The following ELSPBP1 variants were observed in gnomAD, a reference collection of about 807,000 sequenced individuals.
ELSPBP1 encodes the protein epididymal sperm-binding protein 1.
Under a neutral mutation model 33.3 loss-of-function variants are expected in ELSPBP1, and 38 were observed. The ratio of observed to expected loss-of-function variants is 1.14; its 90% confidence interval spans 0.88 to 1.50. ELSPBP1 has a LOEUF of 1.50. Among genes scored for constraint, ELSPBP1 ranks in the 40% most tolerant of loss-of-function variants. The probability of loss-of-function intolerance (pLI) is 0.00; values close to 1 mark genes in which losing one functional copy is unlikely to be tolerated. For synonymous variants in ELSPBP1, 85 were observed against 94.1 expected, an observed-to-expected ratio of 0.90 and a Z score of 0.56; for missense variants, 267 against 263.5, an observed-to-expected ratio of 1.01 and a Z score of -0.09.
chr19:48,017,896 C>CAAAAAAAAAAAAAAA, intron 4 of ELSPBP1, among the ~76,000 whole-genome samples: 1 of 66,124 alleles, frequency 1.5e-5, no homozygotes, highest in Non-Finnish European at 2.7e-5. Context: ...GATCTTGTCT[C>CAAAAAAAAAAAAAAA]AAAAAAAAAA....
chr19:48,018,928 T>C (rs1172283106), intron 4 of ELSPBP1, among the ~76,000 whole-genome samples: 1 of 152,106 alleles, frequency 6.6e-6, no homozygotes, highest in Non-Finnish European at 1.5e-5. Context: ...CCGAGGCAGG[T>C]GAATCACCTG....
At position 48,008,828 on chromosome 19, in the gene ELSPBP1, G is replaced by C. The variant is rs897431772; in HGVS notation, c.70+91G>C. The C allele has an allele frequency of 7.7e-6, 9 of 1,166,598 alleles. 1 individual carries two copies. The highest frequency in any genetic ancestry group is 1.5e-5 in the African/African-American group (1 of 65,222). 72.3% of individuals were successfully genotyped at this position (1,166,598 alleles called of 1,614,324 possible). ...GATTCCTGGAACTAAGTAGGCAGGA[G>C]ATGGCTTAGCAAAAATCTCAGAAGA... On this transcript the variant is annotated intron_variant, in intron 2 of 6. Transcript: ENST00000339841.
Position 48,016,459 on chromosome 19 carries a change from TCTTTCCTTC to T in ELSPBP1, c.355+421_355+429del, listed in dbSNP as rs1293464467. Among the ~76,000 whole-genome samples, 409 of 47,712 alleles carry T rather than the reference TCTTTCCTTC, an allele frequency of 8.6e-3. 8 individuals are homozygous for T. The highest frequency in any genetic ancestry group is 0.025 in the African/African-American group (322 of 12,868). 31.3% of individuals were successfully genotyped at this position (47,712 alleles called of 152,430 possible). A position where few individuals can be genotyped will look rare whatever the true frequency, so the allele number is the denominator to read the frequency against. On this transcript the variant is annotated intron_variant, in intron 4 of 6. Coordinates refer to ENST00000339841, the MANE Select transcript of ELSPBP1 (RefSeq NM_022142.5). Reference sequence around the variant, plus strand: ...CCCTCCCTCCCTTTTCTCTTTCTTTTCTTTCCTTCTTTCTTTCTTTCTTTCTTTCTTTCT... The same window carrying T: ...CCCTCCCTCCCTTTTCTCTTTCTTTTTTTCTTTCTTTCTTTCTTTCTTTCT...
At chr19:48,019,943 C>T (rs1197077286) in intron 5 of ELSPBP1, 66 bp downstream of exon 5, 8 of 1,525,338 alleles carry the variant, frequency 5.2e-6, no homozygotes, top group Non-Finnish European at 7.1e-6. Context: ...CAACAAACAC[C>T]TCCTGAAACC....
At chr19:47,999,367 C>T (rs1394795349) in intron 1 of ELSPBP1, among the ~76,000 whole-genome samples, 1 of 150,376 alleles carries the variant, frequency 6.6e-6, no homozygotes, top group African/African-American at 2.5e-5. Context: ...TGTCACCACC[C>T]CATACTGAAA....
chr19:48,022,097 C>A lies in ELSPBP1; in HGVS notation c.515-73C>A, dbSNP rs73567223. On this transcript the variant is annotated intron_variant, in intron 5 of 6. Transcript: ENST00000339841. ...GCCCCAATTTGAAATCTAGGGTGGG[C>A]CTGAAGCCCACGCCTCTACGACAGT... The A allele has an allele frequency of 8.4e-4, 1,189 of 1,414,878 alleles. 15 individuals are homozygous for A. In the African/African-American group the frequency reaches 0.015, roughly 17 times the overall value. The allele number at this position is 1,414,878 out of a possible 1,614,324, so 87.6% of individuals were successfully genotyped here.
chr19:48,016,834 G>A (rs184678359), intron 4 of ELSPBP1, among the ~76,000 whole-genome samples: 10 of 152,094 alleles, frequency 6.6e-5, no homozygotes, highest in South Asian at 4.2e-4. Context: ...CCTGGTCTCA[G>A]GTGATCCATC....
chr19:48,015,798 T>A, intron 3 of ELSPBP1, 95 bp from the exon 4 acceptor site: 1 of 1,188,510 alleles, frequency 8.4e-7, no homozygotes, highest in Non-Finnish European at 1.2e-6. Context: ...ACCTTATGTC[T>A]GTCCTGTCCT....
chr19:47,999,819 G>A (rs1966949367), intron 1 of ELSPBP1, among the ~76,000 whole-genome samples: 1 of 150,764 alleles, frequency 6.6e-6, no homozygotes, highest in Admixed American at 6.6e-5. Context: ...TATCACATAC[G>A]TGATTTTTTT....
At chr19:48,021,175 C>T (rs2045336734) in intron 5 of ELSPBP1, among the ~76,000 whole-genome samples, 1 of 152,118 alleles carries the variant, frequency 6.6e-6, no homozygotes, top group African/African-American at 2.4e-5. Context: ...AAAATTGATA[C>T]TTGTGGTGCT....
At chr19:48,024,775 TCTC>T (rs974234330) in intron 6 of ELSPBP1, among the ~76,000 whole-genome samples, 174 bp from the exon 7 acceptor site, 2 of 152,224 alleles carry the variant, frequency 1.3e-5, no homozygotes, top group African/African-American at 4.8e-5. Context: ...TGTTCATTGA[TCTC>T]CTTGCTCCTA....
intron 2 of ELSPBP1, among the ~76,000 whole-genome samples, chr19:48,013,248 A>G (rs1967095958): frequency 6.6e-6 from 1 of 152,200 alleles, no homozygotes. Context: ...CAGTGGTCTC[A>G]AGGAACAACA....
At chr19:48,006,724 A>T (rs536795461) in intron 1 of ELSPBP1, among the ~76,000 whole-genome samples, 1 of 151,870 alleles carries the variant, frequency 6.6e-6, no homozygotes, top group Non-Finnish European at 1.5e-5. Flanking sequence ...TTTGAATCTG[A>T]CTCATTCATC....
At chr19:48,021,711 A>G (rs1307159300) in intron 5 of ELSPBP1, among the ~76,000 whole-genome samples, 3 of 151,950 alleles carry the variant, frequency 2.0e-5, no homozygotes, top group Non-Finnish European at 4.4e-5. Context: ...CAGCCTCCCA[A>G]AGTGTTGGGA....
chr19:47,996,464 A>C (rs1966913198), intron 1 of ELSPBP1, among the ~76,000 whole-genome samples: 1 of 152,152 alleles, frequency 6.6e-6, no homozygotes. Context: ...GAGTGGATAG[A>C]TAGATGGCTG....
At chr19:47,997,969 A>T (rs1413181633) in intron 1 of ELSPBP1, among the ~76,000 whole-genome samples, 7 of 152,232 alleles carry the variant, frequency 4.6e-5, no homozygotes, top group Non-Finnish European at 8.8e-5. Context: ...ATGCCCGCTC[A>T]GGAAAACACT....
intron 1 of ELSPBP1, among the ~76,000 whole-genome samples, chr19:48,004,337 T>G (rs1966996468): frequency 6.6e-6 from 1 of 152,044 alleles, no homozygotes; most frequent in Admixed American, 6.6e-5. Context: ...TCCTCACTTG[T>G]TGTAGAGACG....
intron 1 of ELSPBP1, among the ~76,000 whole-genome samples, chr19:48,006,026 T>C (rs1252266334): frequency 6.6e-6 from 1 of 152,122 alleles, no homozygotes; most frequent in African/African-American, 2.4e-5. Context: ...AGTGGTGCGA[T>C]CATAGTGCAC....
intron 1 of ELSPBP1, among the ~76,000 whole-genome samples, chr19:47,995,439 T>C (rs1202913413): frequency 6.6e-6 from 1 of 152,214 alleles, no homozygotes; most frequent in Non-Finnish European, 1.5e-5. Flanking sequence ...ATCTTCATGG[T>C]TCTGTCAATG....
Sources: allele counts gnomAD v4.1 joint callset (sites outside exome capture counted in the v4.1 genomes callset), GRCh38; gene constraint gnomAD v4.1.1; transcripts MANE v1.5; gene names NCBI Gene and HGNC (gene_info 2026-07-23, HGNC 2026-07-21).